The following GAB1 variants were observed in gnomAD, a reference collection of about 807,000 sequenced individuals.
GAB1 encodes the protein GRB2-associated-binding protein 1.
Under a neutral mutation model 66.5 loss-of-function variants are expected in GAB1, and 19 were observed. The observed-to-expected ratio is 0.29, with a 90% CI of 0.20 to 0.42. The LOEUF (loss-of-function observed/expected upper bound fraction) is 0.42. Ranked by LOEUF, GAB1 falls within the 10% of genes least tolerant of loss-of-function variation. The probability of loss-of-function intolerance (pLI) is 1.00; values close to 1 mark genes in which losing one functional copy is unlikely to be tolerated. For synonymous variants in GAB1, 294 were observed against 301.4 expected, an observed-to-expected ratio of 0.98 and a Z score of 0.25; for missense variants, 732 against 858.5, an observed-to-expected ratio of 0.85 and a Z score of 1.84.
chr4:143,382,436 T>G, intron 1 of GAB1, among the ~76,000 whole-genome samples: 1 of 152,232 alleles, frequency 6.6e-6, no homozygotes, highest in Non-Finnish European at 1.5e-5. Context: ...AAAAAGAACT[T>G]GCTTTTATTT....
chr4:143,414,098 C>T (rs1373160568), intron 1 of GAB1, among the ~76,000 whole-genome samples: 1 of 152,136 alleles, frequency 6.6e-6, no homozygotes, highest in East Asian at 1.9e-4. Context: ...GCTGGGATTA[C>T]AGGCATGAGC....
intron 6 of GAB1, among the ~76,000 whole-genome samples, chr4:143,441,070 C>A (rs550727647): frequency 6.6e-6 from 1 of 152,226 alleles, no homozygotes; most frequent in East Asian, 1.9e-4. Context: ...TGGGGTAATA[C>A]ATGCTTCTAG....
intron 1 of GAB1, among the ~76,000 whole-genome samples, chr4:143,380,172 TA>T (rs201774761): frequency 0.028 from 4,291 of 151,924 alleles, 75 homozygotes; most frequent in South Asian, 0.04. Context: ...TTTTTATTCA[TA>T]AAATGAGAAT....
chr4:143,440,528 G>T, intron 6 of GAB1, 146 bp downstream of exon 6: 1 of 730,958 alleles, frequency 1.4e-6, no homozygotes, highest in Non-Finnish European at 2.2e-6. Context: ...AAGCAAAGCA[G>T]TACTGCCATT....
At chr4:143,348,977 C>T (rs569129476) in intron 1 of GAB1, among the ~76,000 whole-genome samples, 1 of 152,216 alleles carries the variant, frequency 6.6e-6, no homozygotes, top group African/African-American at 2.4e-5. Flanking sequence ...CCACCACTGC[C>T]ACATGTACAC....
At chr4:143,373,408 A>G (rs758900354) in intron 1 of GAB1, among the ~76,000 whole-genome samples, 1 of 152,240 alleles carries the variant, frequency 6.6e-6, no homozygotes, top group Non-Finnish European at 1.5e-5. Context: ...TGACATTTCA[A>G]ATAACTGTGA....
At chr4:143,456,359 A>C (rs1347084936) in intron 6 of GAB1, among the ~76,000 whole-genome samples, 2 of 151,812 alleles carry the variant, frequency 1.3e-5, no homozygotes, top group Non-Finnish European at 2.9e-5. Flanking sequence ...TGGGAGGCTG[A>C]GGCAGGAGAA....
At chr4:143,343,784 G>A (rs144861469) in intron 1 of GAB1, among the ~76,000 whole-genome samples, 200 of 152,260 alleles carry the variant, frequency 1.3e-3, no homozygotes, top group African/African-American at 4.7e-3. Flanking sequence ...TCTTAAGGGA[G>A]GGCTGGTTTT....
chr4:143,460,562 A>C, intron 8 of GAB1, 75 bp downstream of exon 8: 1 of 1,357,536 alleles, frequency 7.4e-7, no homozygotes. Context: ...TCTGTCTATA[A>C]ATTTTATCCT....
intron 6 of GAB1, among the ~76,000 whole-genome samples, chr4:143,456,488 G>A (rs968180804): frequency 6.6e-6 from 1 of 150,970 alleles, no homozygotes; most frequent in Non-Finnish European, 1.5e-5. Context: ...ATCTTCCTTT[G>A]CTTTAGAAAA....
intron 1 of GAB1, among the ~76,000 whole-genome samples, chr4:143,396,224 C>G (rs1731446898): frequency 6.6e-6 from 1 of 152,142 alleles, no homozygotes; most frequent in Non-Finnish European, 1.5e-5. Context: ...TACTTGGGAC[C>G]TTAAGGAAAG....
At chr4:143,375,872 TC>T (rs1184396622) in intron 1 of GAB1, among the ~76,000 whole-genome samples, 5 of 151,956 alleles carry the variant, frequency 3.3e-5, no homozygotes, top group African/African-American at 9.7e-5. Flanking sequence ...GTGCACCCCA[TC>T]CCCAGCTGTG....
At chr4:143,417,222 G>A (rs2149720712) in intron 2 of GAB1, among the ~76,000 whole-genome samples, 1 of 152,242 alleles carries the variant, frequency 6.6e-6, no homozygotes. Context: ...CAGACCCAGA[G>A]AAGGAATCGA....
chr4:143,426,550 AAAAT>A (rs1223602550), intron 2 of GAB1, among the ~76,000 whole-genome samples: 1 of 152,188 alleles, frequency 6.6e-6, no homozygotes, highest in Non-Finnish European at 1.5e-5. Flanking sequence ...TCAAAAAATA[AAAAT>A]AAATAAATAA....
At chr4:143,381,290 A>G (rs935758731) in intron 1 of GAB1, among the ~76,000 whole-genome samples, 4 of 152,194 alleles carry the variant, frequency 2.6e-5, no homozygotes, top group Admixed American at 2.0e-4. Flanking sequence ...TAGGTATTCA[A>G]TGCAAGTTAG....
At chr4:143,398,335 ATC>A (rs1731566536) in intron 1 of GAB1, among the ~76,000 whole-genome samples, 1 of 152,180 alleles carries the variant, frequency 6.6e-6, no homozygotes. Flanking sequence ...TTTTGTATGG[ATC>A]TCTCATTTGA....
chr4:143,356,084 G>A (rs1467858385), intron 1 of GAB1, among the ~76,000 whole-genome samples: 1 of 152,090 alleles, frequency 6.6e-6, no homozygotes, highest in Non-Finnish European at 1.5e-5. Flanking sequence ...TCGGGGCCGG[G>A]GGGAGACTGG....
chr4:143,449,366 A>T (rs1335114210), intron 6 of GAB1, among the ~76,000 whole-genome samples: 1 of 151,808 alleles, frequency 6.6e-6, no homozygotes, highest in African/African-American at 2.4e-5. Flanking sequence ...TGTCTCGTTG[A>T]TCTGTCTAAT....
chr4:143,401,755 C>T (rs1010924507), intron 1 of GAB1, among the ~76,000 whole-genome samples: 1 of 152,082 alleles, frequency 6.6e-6, no homozygotes, highest in Admixed American at 6.6e-5. Context: ...AAACTAGCTA[C>T]TTAAAAGTAT....
Sources: allele counts gnomAD v4.1 joint callset (sites outside exome capture counted in the v4.1 genomes callset), GRCh38; gene constraint gnomAD v4.1.1; transcripts MANE v1.5; gene names NCBI Gene and HGNC (gene_info 2026-07-23, HGNC 2026-07-21).